The following NRXN1 variants were observed in gnomAD, a reference collection of about 807,000 sequenced individuals.
NRXN1 encodes neurexin-1.
In NRXN1, 39 loss-of-function variants were observed where a neutral mutation model predicts 150.9. That is an observed-to-expected ratio of 0.26 (90% confidence interval 0.20 to 0.34). The LOEUF (loss-of-function observed/expected upper bound fraction) is 0.34, where lower values mean the gene tolerates loss of function less well. Ranked by LOEUF, NRXN1 falls within the 10% of genes least tolerant of loss-of-function variation. NRXN1 has a pLI of 1.00. For synonymous variants in NRXN1, 924 were observed against 757.0 expected, an observed-to-expected ratio of 1.22 and a Z score of -3.62; for missense variants, 1,815 against 1,949.9, an observed-to-expected ratio of 0.93 and a Z score of 1.30.
chr2:50,892,920 T>C (rs1681301205), intron 5 of NRXN1, among the ~76,000 whole-genome samples: 1 of 152,164 alleles, frequency 6.6e-6, no homozygotes, highest in Middle Eastern at 3.2e-3. Context: ...GCTGAGGCCA[T>C]GCTCTCTGGG....
chr2:50,975,892 G>A (rs1358475412), intron 2 of NRXN1, among the ~76,000 whole-genome samples: 1 of 152,040 alleles, frequency 6.6e-6, no homozygotes, highest in African/African-American at 2.4e-5. Context: ...AGAAGAAATT[G>A]TGTTTTGTTC....
intron 18 of NRXN1, among the ~76,000 whole-genome samples, chr2:50,193,210 A>G (rs2061553986): frequency 6.6e-6 from 1 of 152,188 alleles, no homozygotes; most frequent in African/African-American, 2.4e-5. Flanking sequence ...CTCATCATCA[A>G]TAAAAGCAGC....
At chr2:50,811,889 T>C (rs1668262522) in intron 5 of NRXN1, among the ~76,000 whole-genome samples, 1 of 152,166 alleles carries the variant, frequency 6.6e-6, no homozygotes, top group Non-Finnish European at 1.5e-5. Flanking sequence ...ACAGTGCACC[T>C]AAAGTAAAAA....
chr2:50,092,281 A>C (rs1699685689), intron 18 of NRXN1, among the ~76,000 whole-genome samples: 1 of 152,208 alleles, frequency 6.6e-6, no homozygotes, highest in African/African-American at 2.4e-5. Context: ...TTAACTTTAG[A>C]ATTTCATAAT....
At chr2:50,454,311 G>C (rs2087301648) in intron 17 of NRXN1, among the ~76,000 whole-genome samples, 1 of 152,132 alleles carries the variant, frequency 6.6e-6, no homozygotes, top group Admixed American at 6.6e-5. Context: ...GGGTGACAGA[G>C]TGAGAATCCA....
chr2:50,670,344 T>C (rs1436487951), intron 5 of NRXN1, among the ~76,000 whole-genome samples: 2 of 151,890 alleles, frequency 1.3e-5, no homozygotes, highest in African/African-American at 4.8e-5. Flanking sequence ...ATATATTTAA[T>C]GCTATTTATT....
At chr2:50,584,332 G>C (rs190763448) in intron 8 of NRXN1, among the ~76,000 whole-genome samples, 13 of 152,128 alleles carry the variant, frequency 8.5e-5, no homozygotes, top group Non-Finnish European at 1.6e-4. Context: ...GTGGCCATAT[G>C]TTCCTATATT....
At chr2:51,027,459 C>T in intron 2 of NRXN1, 43 bp downstream of exon 2, 1 of 1,480,666 alleles carries the variant, frequency 6.8e-7, no homozygotes, top group Non-Finnish European at 8.9e-7. Flanking sequence ...TCCCCGAGCC[C>T]CGCCCAGGCC....
At chr2:50,251,013 A>AAAT (rs367722262) in intron 17 of NRXN1, among the ~76,000 whole-genome samples, 1 of 148,044 alleles carries the variant, frequency 6.8e-6, no homozygotes. Context: ...CATATGTGTA[A>AAAT]TATTACATAT....
intron 18 of NRXN1, among the ~76,000 whole-genome samples, chr2:50,202,778 C>G (rs7599349): frequency 6.6e-6 from 1 of 151,870 alleles, no homozygotes; most frequent in East Asian, 1.9e-4. Flanking sequence ...AATACAACAT[C>G]ATTGGTAGCA....
intron 5 of NRXN1, among the ~76,000 whole-genome samples, chr2:50,775,249 C>A (rs1345335773): frequency 6.6e-6 from 1 of 152,084 alleles, no homozygotes; most frequent in Non-Finnish European, 1.5e-5. Flanking sequence ...GATTCTCTAA[C>A]AGTAGCAGAC....
chr2:50,565,127 A>G (rs916924089), intron 8 of NRXN1, among the ~76,000 whole-genome samples: 1 of 152,188 alleles, frequency 6.6e-6, no homozygotes, highest in Non-Finnish European at 1.5e-5. Flanking sequence ...GATTAAATGA[A>G]TGCTAGATCC....
chr2:50,006,102 A>G (rs1056320775), intron 21 of NRXN1, among the ~76,000 whole-genome samples: 2 of 152,092 alleles, frequency 1.3e-5, no homozygotes, highest in East Asian at 3.9e-4. Context: ...TAGACATGGA[A>G]CTTCCTCAGC....
At chr2:50,496,118 G>C in intron 14 of NRXN1, 23 bp from the exon 15 acceptor site, 1 of 1,553,754 alleles carries the variant, frequency 6.4e-7, no homozygotes, top group Non-Finnish European at 8.7e-7. Flanking sequence ...TGAAAGAGGG[G>C]AAAGTGCCAT....
intron 17 of NRXN1, among the ~76,000 whole-genome samples, chr2:50,292,106 C>T (rs1025278005): frequency 6.6e-6 from 1 of 152,168 alleles, no homozygotes; most frequent in Admixed American, 6.5e-5. Context: ...AACCAAGGTG[C>T]TTGGCCAAAT....
intron 18 of NRXN1, among the ~76,000 whole-genome samples, chr2:50,159,609 G>A (rs1472208944): frequency 6.6e-6 from 1 of 152,174 alleles, no homozygotes; most frequent in African/African-American, 2.4e-5. Context: ...AATAAATAAA[G>A]TGTATTCTTA....
At chr2:50,489,665 T>C (rs898587695) in intron 15 of NRXN1, among the ~76,000 whole-genome samples, 2 of 152,084 alleles carry the variant, frequency 1.3e-5, no homozygotes, top group African/African-American at 4.8e-5. Flanking sequence ...TTTCAAATAA[T>C]ATAGTTGGAG....
Position 49,919,792 on chromosome 2 carries a change from C to T in NRXN1, c.*2152G>A, listed in dbSNP as rs1424059550. ...AAAAGCCACTAAATTTCTTTGTACACAACAATTACTTGGCAACCATAGATA... is the reference window on the plus strand; with the variant it reads ...AAAAGCCACTAAATTTCTTTGTACATAACAATTACTTGGCAACCATAGATA... On this transcript the variant is annotated 3_prime_UTR_variant, in exon 23 of 23. Transcript: ENST00000401669. 1.3e-5 allele frequency: 2 copies of T among 152,082 alleles called. No individual in the cohort carries two copies. Among genetic ancestry groups the T allele is most frequent in the Admixed American group, 6.6e-5 (1 of 15,266 alleles). 9.4% of individuals were successfully genotyped at this position (152,082 alleles called of 1,614,324 possible).
intron 17 of NRXN1, among the ~76,000 whole-genome samples, chr2:50,318,221 A>T (rs2075761471): frequency 6.6e-6 from 1 of 152,128 alleles, no homozygotes; most frequent in Non-Finnish European, 1.5e-5. Context: ...CATGTACAAC[A>T]TCATTAGTAA....
Sources: allele counts gnomAD v4.1 joint callset (sites outside exome capture counted in the v4.1 genomes callset), GRCh38; gene constraint gnomAD v4.1.1; transcripts MANE v1.5; gene names NCBI Gene and HGNC (gene_info 2026-07-23, HGNC 2026-07-21).